ALDH18A1: variants seen among roughly 807,000 people sequenced by gnomAD.
ALDH18A1 encodes the protein aldehyde dehydrogenase 18 family member A1, also known as delta-1-pyrroline-5-carboxylate synthase.
In ALDH18A1, 44 loss-of-function variants were observed where a neutral mutation model predicts 88.8. The observed-to-expected ratio is 0.50, with a 90% CI of 0.39 to 0.64. ALDH18A1 has a LOEUF of 0.64. ALDH18A1 is among the 30% of genes least tolerant of loss of function. The probability of loss-of-function intolerance (pLI) is 0.00; values close to 1 mark genes in which losing one functional copy is unlikely to be tolerated. For missense variants in ALDH18A1, 782 were observed against 1,009.5 expected, an observed-to-expected ratio of 0.77 and a Z score of 3.05; for synonymous variants, 331 against 372.1, an observed-to-expected ratio of 0.89 and a Z score of 1.27.
At chr10:95,630,173 T>C (rs2097866495) in intron 7 of ALDH18A1, among the ~76,000 whole-genome samples, 1 of 152,154 alleles carries the variant, frequency 6.6e-6, no homozygotes, top group Admixed American at 6.6e-5. Flanking sequence ...TGCGGTGGCA[T>C]GATCACAGTT....
chr10:95,630,442 G>A (rs948167672), intron 7 of ALDH18A1, among the ~76,000 whole-genome samples: 12 of 152,324 alleles, frequency 7.9e-5, no homozygotes, highest in South Asian at 4.1e-4. Flanking sequence ...GCCAGGCGCC[G>A]TGGCTCATGC....
At chr10:95,636,196 A>T (rs950987108) in intron 5 of ALDH18A1, among the ~76,000 whole-genome samples, 1 of 152,232 alleles carries the variant, frequency 6.6e-6, no homozygotes, top group Non-Finnish European at 1.5e-5. Flanking sequence ...GAAACAATAT[A>T]TGTATATATA....
chr10:95,631,528 AG>A (rs950602106), intron 7 of ALDH18A1, among the ~76,000 whole-genome samples: 87 of 152,108 alleles, frequency 5.7e-4, no homozygotes, highest in African/African-American at 1.9e-3. Context: ...GTGGATCACA[AG>A]GTCAGGAGTT....
At chr10:95,631,910 G>T (rs1474982671) in intron 7 of ALDH18A1, among the ~76,000 whole-genome samples, 1 of 152,086 alleles carries the variant, frequency 6.6e-6, no homozygotes, top group East Asian at 1.9e-4. Context: ...ATATGACCCT[G>T]CAATTCCACT....
Position 95,616,608 on chromosome 10 carries a change from C to T in ALDH18A1, c.1474G>A (p.Ala492Thr), listed in dbSNP as rs2139552444. Residue 492 changes from alanine (A) to threonine (T), a missense_variant, in exon 13 of 18, where the codon GCT (alanine) becomes ACT (threonine). Physicochemically the swap from Ala to Thr is moderately conservative, Grantham distance 58. This residue lies in a region of ALDH18A1 where 556 missense variants were observed against 654.5 expected (regional missense o/e 0.85). Transcript: ENST00000371224. ...SRPDCLPQVAALAIASGNGLL... is the reference protein window; with the variant it reads ...SRPDCLPQVATLAIASGNGLL... ...CCATTGCCACTTGCGATAGCCAAAG[C>T]TGCCACCTGCAGATCAAAGGGAGAG... The T allele has an allele frequency of 3.1e-6, 5 of 1,606,266 alleles. No individual in the cohort carries two copies. Among genetic ancestry groups the T allele is most frequent in the Non-Finnish European group, 4.3e-6 (5 of 1,176,446 alleles).
At position 95,640,381 on chromosome 10, in the gene ALDH18A1, G is replaced by A. The variant is rs569941231; in HGVS notation, c.303+2611C>T. Among the ~76,000 whole-genome samples, 145 of 147,768 alleles carry A rather than the reference G, an allele frequency of 9.8e-4. 1 individual carries two copies. The highest frequency in any genetic ancestry group is 3.2e-3 in the African/African-American group (129 of 39,872). On this transcript the variant is annotated intron_variant, in intron 3 of 17. Transcript: ENST00000371224. Reference sequence around the variant, plus strand: ...TTTTTTGAGACTGAGTCTCACTCTCGCCCAGGCTGAAGTGCAGTGGTGCGA... The same window carrying A: ...TTTTTTGAGACTGAGTCTCACTCTCACCCAGGCTGAAGTGCAGTGGTGCGA...
chr10:95,655,470 A>G (rs1358543452), intron 1 of ALDH18A1, among the ~76,000 whole-genome samples: 1 of 152,196 alleles, frequency 6.6e-6, no homozygotes, highest in Non-Finnish European at 1.5e-5. Flanking sequence ...TATTAGATAC[A>G]ATCACACACA....
chr10:95,640,800 G>C (rs2097889942), intron 3 of ALDH18A1, among the ~76,000 whole-genome samples: 1 of 152,174 alleles, frequency 6.6e-6, no homozygotes. Flanking sequence ...TAGAAAGAAA[G>C]CTGGTAACCT....
chr10:95,616,328 C>G, intron 13 of ALDH18A1, 149 bp downstream of exon 13: 1 of 1,122,668 alleles, frequency 8.9e-7, no homozygotes, highest in South Asian at 1.4e-5. Flanking sequence ...TGCAGAATGG[C>G]CTAAAGTCTG....
chr10:95,630,190 A>G (rs1180904685), intron 7 of ALDH18A1, among the ~76,000 whole-genome samples: 1 of 152,136 alleles, frequency 6.6e-6, no homozygotes. Flanking sequence ...AGTTGACTGC[A>G]GCGTCAACTT....
intron 12 of ALDH18A1, 29 bp downstream of exon 12, chr10:95,621,002 G>T (rs2097851421): frequency 6.3e-7 from 1 of 1,598,866 alleles, no homozygotes; most frequent in Non-Finnish European, 8.6e-7. Flanking sequence ...CAATGGCAGG[G>T]TATTTATTCT....
intron 1 of ALDH18A1, among the ~76,000 whole-genome samples, chr10:95,656,069 C>T (rs2097917553): frequency 6.6e-6 from 1 of 152,130 alleles, no homozygotes; most frequent in African/African-American, 2.4e-5. Context: ...TGCCATACTG[C>T]AAAGGGAGTC....
At chr10:95,637,029 C>A (rs2097881937) in intron 5 of ALDH18A1, 64 bp downstream of exon 5, 4 of 1,444,944 alleles carry the variant, frequency 2.8e-6, no homozygotes, top group Non-Finnish European at 3.9e-6. Context: ...TGGCTCCAGA[C>A]CCCTTTGTTC....
At chr10:95,627,725 C>A in intron 8 of ALDH18A1, 139 bp from the exon 9 acceptor site, 1 of 1,106,324 alleles carries the variant, frequency 9.0e-7, no homozygotes, top group Non-Finnish European at 1.3e-6. Flanking sequence ...AGCTTAGAAG[C>A]TCTGAAAACA....
intron 3 of ALDH18A1, among the ~76,000 whole-genome samples, chr10:95,640,617 C>T (rs918991139): frequency 9.9e-5 from 15 of 152,170 alleles, no homozygotes; most frequent in Non-Finnish European, 4.4e-5. Context: ...GTTGGGATTA[C>T]AGGTGTAAGC....
At chr10:95,635,692 G>A (rs897811188) in intron 5 of ALDH18A1, among the ~76,000 whole-genome samples, 3 of 152,218 alleles carry the variant, frequency 2.0e-5, no homozygotes, top group Non-Finnish European at 4.4e-5. Context: ...GTTGAAGCTT[G>A]TTGGGAACTG....
At chr10:95,607,603 G>A (rs1435703170) in intron 17 of ALDH18A1, among the ~76,000 whole-genome samples, 1 of 152,146 alleles carries the variant, frequency 6.6e-6, no homozygotes, top group African/African-American at 2.4e-5. Flanking sequence ...GGGATAAAGT[G>A]GTGAATAATA....
intron 10 of ALDH18A1, among the ~76,000 whole-genome samples, chr10:95,626,033 G>A (rs984712124): frequency 1.1e-4 from 16 of 152,158 alleles, no homozygotes; most frequent in African/African-American, 3.4e-4. Context: ...ATGAGGAAAT[G>A]TGGCAAATCA....
At chr10:95,613,184 C>T (rs1380818361) in intron 15 of ALDH18A1, among the ~76,000 whole-genome samples, 2 of 152,334 alleles carry the variant, frequency 1.3e-5, no homozygotes, top group East Asian at 3.9e-4. Flanking sequence ...ATTTAGGACA[C>T]AGCACAACTT....
Sources: gnomAD v4.1 joint callset for allele counts (sites outside exome capture counted in the v4.1 genomes callset) on GRCh38, gnomAD v4.1.1 for gene constraint, gnomAD v4.1.1 regional missense constraint, MANE v1.5 for transcripts, NCBI Gene and HGNC (gene_info 2026-07-23, HGNC 2026-07-21) for gene names.